The following GRIA4 variants were observed in gnomAD, a reference collection of about 807,000 sequenced individuals.
The protein encoded by GRIA4 is glutamate ionotropic receptor AMPA type subunit 4.
GRIA4 carries 34 observed loss-of-function variants against 104.0 expected under a neutral mutation model. That is an observed-to-expected ratio of 0.33 (90% CI 0.25 to 0.44). GRIA4 has a LOEUF of 0.44. Among genes scored for constraint, GRIA4 ranks in the 20% least tolerant of loss-of-function variants. GRIA4 has a pLI of 1.00. For synonymous variants in GRIA4, 386 were observed against 381.9 expected (o/e 1.01, Z -0.13); for missense variants, 750 against 1,096.5 (o/e 0.68, Z 4.46).
At chr11:105,610,804 G>A in intron 1 of GRIA4, 104 bp from the exon 2 acceptor site, 1 of 550,814 alleles carries the variant, frequency 1.8e-6, no homozygotes, top group Non-Finnish European at 3.2e-6. Flanking sequence ...GATTGCTAAG[G>A]AGAACTAGTC....
At chr11:105,693,586 T>C (rs1053566170) in intron 3 of GRIA4, among the ~76,000 whole-genome samples, 1 of 152,230 alleles carries the variant, frequency 6.6e-6, no homozygotes, top group Non-Finnish European at 1.5e-5. Flanking sequence ...CAGTTCTTTT[T>C]AGCATGTTAT....
chr11:105,894,433 C>T (rs1159892501), intron 6 of GRIA4, among the ~76,000 whole-genome samples: 2 of 152,082 alleles, frequency 1.3e-5, no homozygotes, highest in Non-Finnish European at 2.9e-5. Context: ...GTTATGAAAA[C>T]TAAACTAGAT....
chr11:105,890,738 G>C (rs1946425320), intron 6 of GRIA4, among the ~76,000 whole-genome samples: 1 of 152,172 alleles, frequency 6.6e-6, no homozygotes, highest in African/African-American at 2.4e-5. Flanking sequence ...CATCTGAACA[G>C]CATGAGCTAT....
chr11:105,865,283 T>G (rs1400957128), intron 5 of GRIA4, among the ~76,000 whole-genome samples: 1 of 152,216 alleles, frequency 6.6e-6, no homozygotes, highest in Non-Finnish European at 1.5e-5. Flanking sequence ...ACCACAAAGT[T>G]AGATTTATTT....
chr11:105,683,863 A>C (rs1952785687), intron 3 of GRIA4, among the ~76,000 whole-genome samples: 1 of 152,144 alleles, frequency 6.6e-6, no homozygotes, highest in Non-Finnish European at 1.5e-5. Flanking sequence ...CAGAAGAAAT[A>C]GAAAAAATAG....
chr11:105,924,983 A>G (rs930515501), intron 12 of GRIA4, among the ~76,000 whole-genome samples: 1 of 152,166 alleles, frequency 6.6e-6, no homozygotes, highest in Non-Finnish European at 1.5e-5. Flanking sequence ...AAACTATGCA[A>G]TCCATCAGAG....
intron 4 of GRIA4, among the ~76,000 whole-genome samples, chr11:105,852,183 G>A (rs1439044763): frequency 5.9e-5 from 9 of 152,190 alleles, no homozygotes; most frequent in East Asian, 5.8e-4. Context: ...GACCAAATAC[G>A]GAATTTAAGA....
intron 3 of GRIA4, among the ~76,000 whole-genome samples, chr11:105,637,869 G>A (rs1436208817): frequency 6.6e-6 from 1 of 152,132 alleles, no homozygotes; most frequent in African/African-American, 2.4e-5. Context: ...TGACCATGAA[G>A]GAGGATGGCT....
At chr11:105,697,275 A>G (rs1055242999) in intron 3 of GRIA4, among the ~76,000 whole-genome samples, 9 of 152,166 alleles carry the variant, frequency 5.9e-5, no homozygotes, top group Non-Finnish European at 1.3e-4. Flanking sequence ...GAGCTGATGA[A>G]AGCTAGAGTC....
At chr11:105,843,134 CTCGCTCTTCCAA>C (rs1172330560) in intron 4 of GRIA4, among the ~76,000 whole-genome samples, 3 of 152,124 alleles carry the variant, frequency 2.0e-5, no homozygotes, top group African/African-American at 4.8e-5. Context: ...TTTTAAGATC[CTCGCTCTTCCAA>C]GCGCTCTGCC....
chr11:105,958,119 A>G (rs1413584960), intron 14 of GRIA4, among the ~76,000 whole-genome samples: 1 of 152,114 alleles, frequency 6.6e-6, no homozygotes, highest in Non-Finnish European at 1.5e-5. Flanking sequence ...CTCCTGCCTG[A>G]TTGCCCTGGC....
intron 3 of GRIA4, among the ~76,000 whole-genome samples, chr11:105,723,399 T>A (rs1215302319): frequency 6.6e-6 from 1 of 152,016 alleles, no homozygotes; most frequent in Non-Finnish European, 1.5e-5. Flanking sequence ...AAAATATAAA[T>A]TTTATGGTTT....
intron 3 of GRIA4, among the ~76,000 whole-genome samples, chr11:105,745,602 CTCTA>C (rs1480480281): frequency 5.3e-5 from 8 of 152,138 alleles, no homozygotes; most frequent in Non-Finnish European, 7.4e-5. Context: ...ATAAGTTTAC[CTCTA>C]TCTGTTGTAC....
chr11:105,662,419 A>C (rs939517628), intron 3 of GRIA4, among the ~76,000 whole-genome samples: 2 of 151,826 alleles, frequency 1.3e-5, no homozygotes, highest in Admixed American at 1.3e-4. Flanking sequence ...TGAGGCAGAA[A>C]GGCATGGAAA....
intron 14 of GRIA4, among the ~76,000 whole-genome samples, chr11:105,966,221 C>T (rs1194820789): frequency 6.6e-6 from 1 of 152,188 alleles, no homozygotes; most frequent in Non-Finnish European, 1.5e-5. Context: ...AAAATATTTG[C>T]AACCATTATC....
At chr11:105,654,514 A>T (rs1951785897) in intron 3 of GRIA4, among the ~76,000 whole-genome samples, 1 of 152,056 alleles carries the variant, frequency 6.6e-6, no homozygotes, top group South Asian at 2.1e-4. Flanking sequence ...TAACATTTTG[A>T]ACTGCACACA....
At chr11:105,874,628 C>T (rs968416110) in intron 5 of GRIA4, among the ~76,000 whole-genome samples, 4 of 152,024 alleles carry the variant, frequency 2.6e-5, no homozygotes, top group African/African-American at 9.7e-5. Context: ...TGAAGAGGTC[C>T]TTCATATCCC....
intron 14 of GRIA4, among the ~76,000 whole-genome samples, chr11:105,942,528 G>T (rs1183033231): frequency 6.6e-6 from 1 of 151,972 alleles, no homozygotes; most frequent in African/African-American, 2.4e-5. Context: ...TTATTATAGA[G>T]GAAGGAACTG....
chr11:105,871,933 G>GATGCTAAAGCAACATTTATGTTT (rs1450395846), intron 5 of GRIA4, among the ~76,000 whole-genome samples: 1 of 152,034 alleles, frequency 6.6e-6, no homozygotes, highest in African/African-American at 2.4e-5. Context: ...ATAAGAAAAT[G>GATGCTAAAGCAACATTTATGTTT]ATGCTAAAGC....
Sources: gnomAD v4.1 joint callset for allele counts (sites outside exome capture counted in the v4.1 genomes callset) on GRCh38, gnomAD v4.1.1 for gene constraint, MANE v1.5 for transcripts, NCBI Gene and HGNC (gene_info 2026-07-23, HGNC 2026-07-21) for gene names.